The following KLHL13 variants were observed in gnomAD, a reference collection of about 807,000 sequenced individuals.
KLHL13 encodes kelch like family member 13.
In KLHL13, 10 loss-of-function variants were observed where a neutral mutation model predicts 37.1. The observed-to-expected ratio is 0.27, with a 90% CI of 0.17 to 0.46. The LOEUF (loss-of-function observed/expected upper bound fraction) is 0.46. KLHL13 is among the 20% of genes least tolerant of loss of function. The probability of loss-of-function intolerance (pLI) is 1.00; values close to 1 mark genes in which losing one functional copy is unlikely to be tolerated. For synonymous variants in KLHL13, 163 were observed against 181.2 expected (o/e 0.90, Z 0.81); for missense variants, 360 against 509.3 (o/e 0.71, Z 2.82).
intron 1 of KLHL13, among the ~76,000 whole-genome samples, chrX:118,024,990 G>A (rs1014395914): frequency 1.8e-5 from 2 of 111,998 alleles, no homozygotes; most frequent in African/African-American, 6.5e-5. Context: ...CTATCAACAG[G>A]AAAATAGATA....
chrX:118,031,774 C>T (rs1314638864), intron 1 of KLHL13, among the ~76,000 whole-genome samples: 1 of 106,887 alleles, frequency 9.4e-6, no homozygotes, highest in Non-Finnish European at 1.9e-5. Flanking sequence ...CGGTCTACAG[C>T]TCCCAGCGTG....
At chrX:117,928,382 C>T (rs1216514083) in intron 2 of KLHL13, among the ~76,000 whole-genome samples, 1 of 110,986 alleles carries the variant, frequency 9.0e-6, no homozygotes, top group Non-Finnish European at 1.9e-5. Context: ...AATACTTCAC[C>T]GAAGAACAGT....
chrX:118,097,395 G>T (rs1478301944), intron 1 of KLHL13, among the ~76,000 whole-genome samples: 1 of 111,274 alleles, frequency 9.0e-6, no homozygotes, highest in African/African-American at 3.3e-5. Flanking sequence ...CCTCTTCAAG[G>T]AGAACTACAA....
Position 118,099,500 on chromosome X carries a change from T to G in KLHL13, c.-56+17008A>C, listed in dbSNP as rs142602588. Among the ~76,000 whole-genome samples the G allele has an allele frequency of 1.3e-4, 15 of 111,508 alleles. No individual in the cohort carries two copies. The East Asian group carries it at 4.2e-3, about 31-fold the overall frequency. On this transcript the variant is annotated intron_variant, in intron 1 of 6. Transcript: ENST00000371882. ...GTTAAAGCCATGAGTTAAGTCCAAG[T>G]GTACACAGCTATTAAATAAATGCAC... is the stretch of plus-strand genomic sequence containing the variant.
chrX:117,975,283 C>T (rs2053584690), upstream of KLHL13, among the ~76,000 whole-genome samples: 1 of 111,749 alleles, frequency 8.9e-6, no homozygotes, highest in African/African-American at 3.2e-5. Context: ...AAACCCGAAG[C>T]ATTTGCAAAC....
intron 1 of KLHL13, among the ~76,000 whole-genome samples, chrX:117,991,137 T>TAAAAAAAAA (rs750755409): frequency 0.07 from 5,877 of 83,581 alleles, 496 homozygotes; most frequent in African/African-American, 0.19. Context: ...CATTAAAAAG[T>TAAAAAAAAA]AAAAAAAAAA....
chrX:118,048,075 T>C (rs1035949114), intron 1 of KLHL13, among the ~76,000 whole-genome samples: 1 of 111,250 alleles, frequency 9.0e-6, no homozygotes, highest in Non-Finnish European at 1.9e-5. Context: ...CTGATTAGTA[T>C]GAGTTTAAGA....
chrX:118,058,495 A>G lies in KLHL13; in HGVS notation c.-56+58013T>C, dbSNP rs774519657. Among the ~76,000 whole-genome samples, 23 of 111,676 alleles carry G rather than the reference A, an allele frequency of 2.1e-4. No homozygotes were observed. The South Asian group carries it at 4.9e-3, about 24-fold the overall frequency. Reference sequence around the variant, plus strand: ...CCATGGCTAGCGTCTTGATCTTTCAAAACAATTATAATCCTTTGCTATCCT... The same window carrying G: ...CCATGGCTAGCGTCTTGATCTTTCAGAACAATTATAATCCTTTGCTATCCT... On this transcript the variant is annotated intron_variant, in intron 1 of 6. Coordinates refer to the KLHL13 transcript ENST00000371882.
chrX:118,117,004 G>A (rs1288063595), upstream of KLHL13: 2 of 112,903 alleles, frequency 1.8e-5, no homozygotes, highest in Non-Finnish European at 3.8e-5. Flanking sequence ...TGTAGCGAAA[G>A]CGTGACAGGG....
intron 1 of KLHL13, among the ~76,000 whole-genome samples, chrX:118,041,823 T>G (rs2054509544): frequency 9.0e-6 from 1 of 111,275 alleles, no homozygotes. Flanking sequence ...GAGAAGACCA[T>G]AAAACAACCA....
At chrX:118,106,915 A>G (rs1204871762) in intron 1 of KLHL13, among the ~76,000 whole-genome samples, 2 of 112,268 alleles carry the variant, frequency 1.8e-5, no homozygotes, top group Non-Finnish European at 3.8e-5. Context: ...AGTAACCATG[A>G]TAAAAACTTG....
intron 1 of KLHL13, among the ~76,000 whole-genome samples, chrX:118,091,700 A>G (rs2055137766): frequency 9.0e-6 from 1 of 111,151 alleles, no homozygotes; most frequent in Admixed American, 9.7e-5. Context: ...AGAAGGAGAG[A>G]GAAAGAGGGT....
intron 1 of KLHL13, among the ~76,000 whole-genome samples, chrX:118,001,149 C>T (rs796464370): frequency 1.8e-5 from 2 of 111,859 alleles, no homozygotes; most frequent in Admixed American, 9.5e-5. Context: ...AGACCTGTGA[C>T]AATATCCATA....
intron 1 of KLHL13, among the ~76,000 whole-genome samples, chrX:118,094,010 GAA>G (rs2055170418): frequency 9.1e-6 from 1 of 109,611 alleles, no homozygotes; most frequent in Non-Finnish European, 1.9e-5. Flanking sequence ...ACCAGCAACG[GAA>G]CAAAGCTGGA....
rs367913508 is a variant in KLHL13 at position 118,027,171 on chromosome X, A to C, written c.-55-81596T>G. Among the ~76,000 whole-genome samples the C allele has an allele frequency of 1.6e-3, 183 of 111,533 alleles. 2 individuals carry two copies. Among genetic ancestry groups the C allele is most frequent in the African/African-American group, 5.7e-3 (177 of 30,790 alleles). On this transcript the variant is annotated intron_variant, in intron 1 of 6. Transcript: ENST00000371882. Reference sequence around the variant, plus strand: ...GAGAGTGTTTTGAGAAAGTTACCAAAATATTACCAGAAAAATGCCTAGGAC... The same window carrying C: ...GAGAGTGTTTTGAGAAAGTTACCAACATATTACCAGAAAAATGCCTAGGAC...
chrX:118,071,597 G>A (rs1226766909), intron 1 of KLHL13, among the ~76,000 whole-genome samples: 1 of 111,054 alleles, frequency 9.0e-6, no homozygotes, highest in Non-Finnish European at 1.9e-5. Flanking sequence ...CTCAGCCCAA[G>A]ATCTCCTTAA....
chrX:118,093,403 C>T (rs377177151), intron 1 of KLHL13, among the ~76,000 whole-genome samples: 7 of 111,565 alleles, frequency 6.3e-5, no homozygotes, highest in East Asian at 2.8e-4. Flanking sequence ...GAAACCATGA[C>T]GCAATAAAAT....
At chrX:118,052,464 A>C (rs1423425870) in intron 1 of KLHL13, among the ~76,000 whole-genome samples, 1 of 105,433 alleles carries the variant, frequency 9.5e-6, no homozygotes, top group African/African-American at 3.5e-5. Context: ...CAGAGCTTGC[A>C]GTGAGCGGAG....
intron 4 of KLHL13, 83 bp downstream of exon 5, chrX:117,919,438 T>C: frequency 7.6e-6 from 6 of 787,870 alleles, no homozygotes; most frequent in Non-Finnish European, 1.1e-5. Context: ...AAGTTTCACA[T>C]TCCTGCACAG....
Sources: allele counts gnomAD v4.1 joint callset (sites outside exome capture counted in the v4.1 genomes callset), GRCh38; gene constraint gnomAD v4.1.1; transcripts MANE v1.5; gene names NCBI Gene and HGNC (gene_info 2026-07-23, HGNC 2026-07-21).